The following PTK2 variants were observed in gnomAD, a reference collection of about 807,000 sequenced individuals.
PTK2 encodes protein tyrosine kinase 2.
Under a neutral mutation model 150.1 loss-of-function variants are expected in PTK2, and 45 were observed. That is an observed-to-expected ratio of 0.30 (90% CI 0.24 to 0.38). The LOEUF is 0.38. Ranked by LOEUF, PTK2 falls within the 10% of genes least tolerant of loss-of-function variation. The pLI is 1.00. For synonymous variants in PTK2, 432 were observed against 449.2 expected, an observed-to-expected ratio of 0.96 and a Z score of 0.48; for missense variants, 919 against 1,307.3, an observed-to-expected ratio of 0.70 and a Z score of 4.58.
intron 23 of PTK2, among the ~76,000 whole-genome samples, chr8:140,708,690 G>A (rs1003802916): frequency 1.4e-4 from 21 of 152,102 alleles, no homozygotes; most frequent in African/African-American, 4.8e-4. Flanking sequence ...GAGCATTCTA[G>A]GCTTTTCTCT....
At chr8:140,912,093 A>G (rs1185753459) in intron 2 of PTK2, among the ~76,000 whole-genome samples, 1 of 152,076 alleles carries the variant, frequency 6.6e-6, no homozygotes, top group Non-Finnish European at 1.5e-5. Flanking sequence ...AAATTTTAAA[A>G]TTAGCCAGGT....
chr8:140,876,365 T>C (rs1350714108), intron 4 of PTK2, among the ~76,000 whole-genome samples: 1 of 152,242 alleles, frequency 6.6e-6, no homozygotes, highest in Non-Finnish European at 1.5e-5. Context: ...CCAGCTACTT[T>C]CCTCACTACT....
rs890755415 is a variant in PTK2, at chr8:140,867,137, T to C, written c.363-2738A>G. ...TTACCAAGTCATGATAGTCGGGTTC[T>C]TTCTCAATGAGAAAGCAAGTCAATG... On this transcript the variant is annotated intron_variant, in intron 4 of 31. Transcript: ENST00000522684. 3.3e-5 allele frequency among the ~76,000 whole-genome samples: 5 copies of C among 152,262 alleles called. No individual in the cohort carries two copies. The East Asian group carries it at 9.6e-4, about 29-fold the overall frequency.
intron 1 of PTK2, among the ~76,000 whole-genome samples, chr8:140,972,220 A>AT (rs572334481): frequency 6.6e-6 from 1 of 152,018 alleles, no homozygotes; most frequent in African/African-American, 2.4e-5. Flanking sequence ...TTAGACCTGT[A>AT]TTTTTTTAAT....
At chr8:140,891,265 A>C (rs1402450365) in intron 2 of PTK2, among the ~76,000 whole-genome samples, 2 of 152,212 alleles carry the variant, frequency 1.3e-5, no homozygotes, top group Non-Finnish European at 2.9e-5. Context: ...CCCTGGCTTA[A>C]CCAATTCATT....
intron 7 of PTK2, among the ~76,000 whole-genome samples, chr8:140,831,305 A>G (rs1356123969): frequency 6.6e-6 from 1 of 152,228 alleles, no homozygotes; most frequent in Non-Finnish European, 1.5e-5. Flanking sequence ...AGCAATGTGA[A>G]ATAATGCCTC....
chr8:140,871,553 C>A (rs1262712882), intron 4 of PTK2, among the ~76,000 whole-genome samples: 1 of 152,196 alleles, frequency 6.6e-6, no homozygotes, highest in African/African-American at 2.4e-5. Context: ...AATCTCAGTA[C>A]TTTAGGAGAC....
chr8:140,892,219 G>C (rs944653300), intron 2 of PTK2, among the ~76,000 whole-genome samples: 1 of 151,382 alleles, frequency 6.6e-6, no homozygotes, highest in African/African-American at 2.4e-5. Context: ...ACAAACAAAC[G>C]AACAAACACA....
intron 30 of PTK2, among the ~76,000 whole-genome samples, chr8:140,665,443 G>A (rs753705689): frequency 4.6e-5 from 7 of 152,156 alleles, no homozygotes; most frequent in Non-Finnish European, 8.8e-5. Context: ...GCTGGCCAGA[G>A]ATGACACCAC....
At chr8:140,875,490 G>A (rs552303987) in intron 4 of PTK2, among the ~76,000 whole-genome samples, 244 of 152,246 alleles carry the variant, frequency 1.6e-3, no homozygotes, top group African/African-American at 5.6e-3. Context: ...AAGAGGAAGA[G>A]CAGAAGGAGA....
intron 1 of PTK2, among the ~76,000 whole-genome samples, chr8:141,000,673 C>T (rs887944191): frequency 1.4e-4 from 19 of 139,678 alleles, no homozygotes; most frequent in Non-Finnish European, 2.3e-4. Context: ...TCGAAAGCCG[C>T]CCCCCCCTTC....
intron 16 of PTK2, among the ~76,000 whole-genome samples, chr8:140,753,205 A>G (rs1346101875): frequency 6.6e-6 from 1 of 152,180 alleles, no homozygotes; most frequent in Non-Finnish European, 1.5e-5. Flanking sequence ...TTGGACAAAC[A>G]TGGTAGCAGT....
At chr8:140,851,686 A>C (rs1212594253) in intron 5 of PTK2, among the ~76,000 whole-genome samples, 2 of 152,034 alleles carry the variant, frequency 1.3e-5, no homozygotes, top group Non-Finnish European at 2.9e-5. Flanking sequence ...TGGCAAAAAC[A>C]TCTCTCTACT....
At chr8:140,675,675 A>C (rs13278258) in intron 27 of PTK2, 176 bp from the exon 31 acceptor site, 288 of 571,638 alleles carry the variant, frequency 5.0e-4, no homozygotes, top group Non-Finnish European at 7.3e-4. Flanking sequence ...CAGGCAAATA[A>C]GCAAATGATG....
At chr8:140,877,187 C>A (rs1234307691) in intron 4 of PTK2, among the ~76,000 whole-genome samples, 3 of 151,944 alleles carry the variant, frequency 2.0e-5, no homozygotes, top group Non-Finnish European at 1.5e-5. Flanking sequence ...CACCCGCCAC[C>A]ACGCCTGGCT....
At position 140,761,108 on chromosome 8, in the gene PTK2, A is replaced by C. The variant is rs557465538; in HGVS notation, c.1332+57T>G. The C allele has an allele frequency of 1.8e-4, 213 of 1,207,200 alleles. 1 individual carries two copies. In the African/African-American group the frequency reaches 2.7e-3, roughly 15 times the overall value. The allele number at this position is 1,207,200 out of a possible 1,614,324, so 74.8% of individuals were successfully genotyped here. On this transcript the variant is annotated intron_variant, in intron 16 of 31. Transcript: ENST00000522684. Reference sequence around the variant, plus strand: ...GGACTCATGAAGACAAACAAAAGCAATTTAAACTTAAATAGTCAAAATTAG... The same window carrying C: ...GGACTCATGAAGACAAACAAAAGCACTTTAAACTTAAATAGTCAAAATTAG...
chr8:140,839,419 CCCAGTA>C (rs1178809099), intron 7 of PTK2, among the ~76,000 whole-genome samples: 1 of 152,068 alleles, frequency 6.6e-6, no homozygotes, highest in Non-Finnish European at 1.5e-5. Flanking sequence ...ATTGAGACAC[CCCAGTA>C]CCTCAAGGTT....
chr8:140,759,016 G>C (rs893227973), intron 16 of PTK2, among the ~76,000 whole-genome samples: 2 of 152,152 alleles, frequency 1.3e-5, no homozygotes, highest in Admixed American at 1.3e-4. Flanking sequence ...AGGAGCAACA[G>C]GCTATATTAT....
chr8:140,943,319 T>C (rs2100176503), intron 1 of PTK2, among the ~76,000 whole-genome samples: 1 of 152,250 alleles, frequency 6.6e-6, no homozygotes, highest in African/African-American at 2.4e-5. Context: ...TACCAAAATG[T>C]TATATAAATG....
Sources: gnomAD v4.1 joint callset for allele counts (sites outside exome capture counted in the v4.1 genomes callset) on GRCh38, gnomAD v4.1.1 for gene constraint, MANE v1.5 for transcripts, NCBI Gene and HGNC (gene_info 2026-07-23, HGNC 2026-07-21) for gene names.